The following AUTS2 variants were observed in gnomAD, a reference collection of about 807,000 sequenced individuals.
AUTS2 encodes activator of transcription and developmental regulator AUTS2.
In AUTS2, 17 loss-of-function variants were observed where a neutral mutation model predicts 112.4. The ratio of observed to expected loss-of-function variants is 0.15; its 90% CI spans 0.10 to 0.23. AUTS2 has a LOEUF of 0.23. AUTS2 is among the 10% of genes least tolerant of loss of function. The pLI, the probability that AUTS2 is intolerant of heterozygous loss-of-function variation, is 1.00. For synonymous variants in AUTS2, 751 were observed against 702.7 expected (o/e 1.07, Z -1.09); for missense variants, 1,510 against 1,701.6 (o/e 0.89, Z 1.98).
chr7:69,628,762 C>A (rs964103880), intron 1 of AUTS2, among the ~76,000 whole-genome samples: 1 of 152,012 alleles, frequency 6.6e-6, no homozygotes, highest in African/African-American at 2.4e-5. Flanking sequence ...GAAATCTGTC[C>A]CCCAGGATCC....
intron 4 of AUTS2, among the ~76,000 whole-genome samples, chr7:70,324,505 G>T (rs989601256): frequency 3.9e-5 from 6 of 151,936 alleles, no homozygotes; most frequent in African/African-American, 1.5e-4. Context: ...TGCATCTGTG[G>T]TCCCAACCAC....
At chr7:69,970,585 G>A (rs1482558459) in intron 2 of AUTS2, among the ~76,000 whole-genome samples, 2 of 151,922 alleles carry the variant, frequency 1.3e-5, no homozygotes, top group African/African-American at 4.8e-5. Flanking sequence ...CCTCCTAATC[G>A]ATCTCCCTGC....
intron 2 of AUTS2, among the ~76,000 whole-genome samples, chr7:69,971,046 C>CGT (rs1369132747): frequency 6.6e-6 from 1 of 152,176 alleles, no homozygotes; most frequent in African/African-American, 2.4e-5. Context: ...GGTGTGGTAG[C>CGT]GTGTGTCTGT....
At chr7:70,179,642 C>T (rs1809191561) in intron 4 of AUTS2, among the ~76,000 whole-genome samples, 1 of 152,138 alleles carries the variant, frequency 6.6e-6, no homozygotes, top group Non-Finnish European at 1.5e-5. Flanking sequence ...TCCCCAAAAA[C>T]AGGAGACAGA....
intron 5 of AUTS2, among the ~76,000 whole-genome samples, chr7:70,663,255 C>T (rs1454641257): frequency 1.3e-5 from 2 of 152,264 alleles, no homozygotes; most frequent in Non-Finnish European, 2.9e-5. Flanking sequence ...ATTAGCCAGG[C>T]ATGGTGGTAC....
chr7:70,372,657 TC>T (rs1176330531), intron 4 of AUTS2, among the ~76,000 whole-genome samples: 5 of 149,486 alleles, frequency 3.3e-5, no homozygotes, highest in Non-Finnish European at 5.9e-5. Context: ...TTCCTTTCTT[TC>T]TTTTTTTTTT....
At chr7:69,823,562 C>A (rs1019031206) in intron 1 of AUTS2, among the ~76,000 whole-genome samples, 17 of 152,174 alleles carry the variant, frequency 1.1e-4, no homozygotes, top group African/African-American at 4.1e-4. Context: ...TCAGCTTACT[C>A]GTTTGTGTAC....
At chr7:70,625,202 G>A (rs1429378859) in intron 5 of AUTS2, among the ~76,000 whole-genome samples, 1 of 152,062 alleles carries the variant, frequency 6.6e-6, no homozygotes, top group Non-Finnish European at 1.5e-5. Flanking sequence ...ATCCAACTAG[G>A]GGGTCATCTC....
chr7:70,359,541 G>A (rs1477584600), intron 4 of AUTS2, among the ~76,000 whole-genome samples: 1 of 152,152 alleles, frequency 6.6e-6, no homozygotes, highest in East Asian at 1.9e-4. Flanking sequence ...AAGGTCAAAG[G>A]GGAAGTGGAC....
chr7:70,784,742 TAAAAAAAAAAAAAAAA>T (rs71077682), intron 15 of AUTS2, 184 bp from the exon 16 acceptor site: 66 of 281,022 alleles, frequency 2.3e-4, no homozygotes, highest in African/African-American at 2.0e-3. Context: ...TTCTGCTTCC[TAAAAAAAAAAAAAAAA>T]AAAAAAAAAA....
In AUTS2 at chr7:70,156,891, TAAAAAAAAAAAAAAAA is replaced by T. The variant is rs781281055; in HGVS notation, c.660+22341_660+22356del. ...AGTGAAACCCCATCTCTACTAAAAG[TAAAAAAAAAAAAAAAA>T]AAAAAAAAAAAAAAAAAAAATTAGC... is the stretch of plus-strand genomic sequence containing the variant. On this transcript the variant is annotated intron_variant, in intron 4 of 18. Transcript: ENST00000342771. 1.5e-3 allele frequency among the ~76,000 whole-genome samples: 55 copies of T among 37,876 alleles called. 1 individual carries two copies. The highest frequency in any genetic ancestry group is 0.021 in the Middle Eastern group (1 of 48). The allele number at this position is 37,876 out of a possible 152,430, so 24.8% of individuals were successfully genotyped here. A position where few individuals can be genotyped will look rare whatever the true frequency, so the allele number is the denominator to read the frequency against.
intron 5 of AUTS2, among the ~76,000 whole-genome samples, chr7:70,688,529 C>CA (rs893334207): frequency 4.3e-4 from 66 of 151,834 alleles, no homozygotes; most frequent in African/African-American, 1.4e-3. Flanking sequence ...AGAAAATAAA[C>CA]AAAAAAAACA....
chr7:69,665,302 A>G (rs1795985639), intron 1 of AUTS2, among the ~76,000 whole-genome samples: 1 of 152,140 alleles, frequency 6.6e-6, no homozygotes, highest in South Asian at 2.1e-4. Context: ...AACCCCATAG[A>G]AGGATATTTT....
chr7:70,737,385 T>A (rs1787835966), intron 6 of AUTS2, among the ~76,000 whole-genome samples: 1 of 152,194 alleles, frequency 6.6e-6, no homozygotes, highest in African/African-American at 2.4e-5. Context: ...GTCCATAGAA[T>A]CAAAATGGAA....
chr7:69,732,840 C>T (rs1786857855), intron 1 of AUTS2, among the ~76,000 whole-genome samples: 1 of 152,192 alleles, frequency 6.6e-6, no homozygotes, highest in East Asian at 1.9e-4. Context: ...ATTTAAATTT[C>T]TTCTTCCTGG....
chr7:69,829,550 C>T (rs1423192226), intron 1 of AUTS2, among the ~76,000 whole-genome samples: 1 of 152,054 alleles, frequency 6.6e-6, no homozygotes, highest in African/African-American at 2.4e-5. Context: ...AAGAAAAAAA[C>T]ACCACCACCA....
chr7:70,244,362 G>A (rs958027491), intron 4 of AUTS2, among the ~76,000 whole-genome samples: 3 of 152,050 alleles, frequency 2.0e-5, no homozygotes, highest in East Asian at 1.9e-4. Flanking sequence ...AGTTAGAGAG[G>A]CATTTATAGC....
intron 4 of AUTS2, among the ~76,000 whole-genome samples, chr7:70,228,817 T>G (rs1811902701): frequency 6.6e-6 from 1 of 151,956 alleles, no homozygotes; most frequent in Non-Finnish European, 1.5e-5. Context: ...AATTATTGCT[T>G]TGTATAACCT....
At chr7:69,831,480 A>G (rs1161394643) in intron 1 of AUTS2, among the ~76,000 whole-genome samples, 7 of 152,174 alleles carry the variant, frequency 4.6e-5, no homozygotes, top group East Asian at 1.9e-4. Flanking sequence ...GGGAAGCACC[A>G]GTGCTTCTTG....
Sources: gnomAD v4.1 joint callset for allele counts (sites outside exome capture counted in the v4.1 genomes callset) on GRCh38, gnomAD v4.1.1 for gene constraint, MANE v1.5 for transcripts, NCBI Gene and HGNC (gene_info 2026-07-23, HGNC 2026-07-21) for gene names.